BRD9: variants seen among roughly 807,000 people sequenced by gnomAD.
BRD9 encodes the protein bromodomain containing 9.
Under a neutral mutation model 68.7 loss-of-function variants are expected in BRD9, and 47 were observed. The observed-to-expected ratio is 0.68, with a 90% CI of 0.54 to 0.87. BRD9 has a LOEUF of 0.87. BRD9 is among the 40% of genes least tolerant of loss of function. The probability of loss-of-function intolerance (pLI) is 0.00; values close to 1 mark genes in which losing one functional copy is unlikely to be tolerated. For synonymous variants in BRD9, 313 were observed against 293.9 expected (o/e 1.06, Z -0.67); for missense variants, 670 against 748.4 (o/e 0.90, Z 1.22).
chr5:865,480 C>T lies in BRD9; in HGVS notation c.1627G>A (p.Gly543Ser), dbSNP rs1400151697. The T allele has an allele frequency of 2.1e-5, 34 of 1,600,708 alleles. No homozygotes were observed. Among genetic ancestry groups the T allele is most frequent in the Non-Finnish European group, 2.9e-5 (34 of 1,172,646 alleles). The change falls in exon 15 of 16, where the codon GGC becomes AGC. Residue 543 changes from glycine to serine, a missense_variant. Coordinates refer to ENST00000467963, the MANE Select transcript of BRD9 (RefSeq NM_023924.5). ...CTGAGGTTGGACGACGGCCGAGAGC[C>T]GCCGCGCTCCGCCTGTGCTTCGTGC... ...DLHEAQAERG[G>S]SRPSSNLSSL...
chr5:875,930 T>G (rs1750841312), intron 12 of BRD9, among the ~76,000 whole-genome samples, 171 bp downstream of exon 12: 1 of 152,208 alleles, frequency 6.6e-6, no homozygotes, highest in Non-Finnish European at 1.5e-5. Flanking sequence ...AGTCACGGTC[T>G]CCGGGGGACA....
At chr5:880,859 C>T (rs1421767764) in intron 9 of BRD9, among the ~76,000 whole-genome samples, 1 of 152,258 alleles carries the variant, frequency 6.6e-6, no homozygotes, top group Non-Finnish European at 1.5e-5. Context: ...TTTTCAGGAA[C>T]ATGGCTCGAG....
intron 8 of BRD9, chr5:881,856 T>C (rs1579972521): frequency 6.6e-6 from 1 of 152,654 alleles, no homozygotes; most frequent in African/African-American, 2.4e-5. Context: ...AGGCGGAAGG[T>C]CAGCTCAATG....
At chr5:887,194 G>A (rs1007363245) in intron 6 of BRD9, among the ~76,000 whole-genome samples, 167 bp downstream of exon 6, 5 of 152,362 alleles carry the variant, frequency 3.3e-5, no homozygotes, top group South Asian at 2.1e-4. Flanking sequence ...GCTAGGTCAT[G>A]AGCAGAGAGG....
chr5:889,942 C>T, intron 3 of BRD9: 1 of 396,964 alleles, frequency 2.5e-6, no homozygotes, highest in Admixed American at 3.4e-5. Context: ...CTACTCTAGA[C>T]AAGAAATGGA....
chr5:888,734 C>G (rs912841013), intron 5 of BRD9, among the ~76,000 whole-genome samples: 3 of 152,182 alleles, frequency 2.0e-5, no homozygotes, highest in Non-Finnish European at 4.4e-5. Flanking sequence ...CACCGGACAC[C>G]TCACTGCTTG....
At chr5:886,983 T>G in intron 6 of BRD9, 1 of 536,184 alleles carries the variant, frequency 1.9e-6, no homozygotes, top group Non-Finnish European at 3.3e-6. Context: ...GTGGGATGCA[T>G]GCAGCCTGGC....
Position 887,461 on chromosome 5 carries a change from T to C in BRD9, c.617A>G (p.Lys206Arg), listed in dbSNP as rs1752733760. Reference protein sequence around the residue: ...KSVTEFKADFKLMCDNAMTYN... With the variant: ...KSVTEFKADFRLMCDNAMTYN... ...TGTCATTGCATTATCACACATCAGC[T>C]TGAAATCTGCCTGAAAAGAAAACAG... The change falls in exon 6 of 16, where the codon AAG becomes AGG. Residue 206 changes from lysine (K) to arginine (R), a missense_variant. Lys to Arg is a conservative substitution (Grantham distance 26, BLOSUM62 2). This residue lies in a region of BRD9 where 94 missense variants were observed against 157.2 expected (regional missense o/e 0.60). Transcript: ENST00000467963. The C allele has an allele frequency of 6.2e-7, 1 of 1,613,324 alleles. No individual in the cohort carries two copies. Among genetic ancestry groups the C allele is most frequent in the South Asian group, 1.1e-5 (1 of 90,986 alleles).
chr5:886,836 G>T, intron 6 of BRD9, 129 bp from the exon 7 acceptor site: 1 of 1,499,856 alleles, frequency 6.7e-7, no homozygotes, highest in South Asian at 1.2e-5. Flanking sequence ...GTGACGATGG[G>T]ATGGGATGGG....
intron 11 of BRD9, among the ~76,000 whole-genome samples, chr5:876,965 G>A (rs1307530755): frequency 6.6e-6 from 1 of 152,238 alleles, no homozygotes; most frequent in African/African-American, 2.4e-5. Flanking sequence ...TCTGTGCGCT[G>A]AGGCTGGCAT....
At chr5:883,493 C>T (rs1449847689) in intron 8 of BRD9, 12 of 450,728 alleles carry the variant, frequency 2.7e-5, no homozygotes, top group Non-Finnish European at 5.3e-5. Flanking sequence ...GGCCCCACCA[C>T]CACAAAGACC....
intron 12 of BRD9, among the ~76,000 whole-genome samples, chr5:875,191 C>T (rs968808293): frequency 1.3e-5 from 2 of 152,152 alleles, no homozygotes; most frequent in South Asian, 2.1e-4. Context: ...ACACGCTGCC[C>T]GAAGCATCTT....
At chr5:875,143 C>T (rs921912495) in intron 12 of BRD9, among the ~76,000 whole-genome samples, 7 of 152,186 alleles carry the variant, frequency 4.6e-5, no homozygotes, top group East Asian at 3.8e-4. Context: ...CCCGTCCTGC[C>T]GAGGGCCCGG....
At chr5:886,538 C>G in intron 7 of BRD9, 54 bp downstream of exon 7, 1 of 1,515,906 alleles carries the variant, frequency 6.6e-7, no homozygotes, top group Non-Finnish European at 9.0e-7. Flanking sequence ...CACCTGCTTT[C>G]CTGGCTATGG....
chr5:876,859 C>A (rs146091632), intron 11 of BRD9, among the ~76,000 whole-genome samples: 5 of 152,292 alleles, frequency 3.3e-5, no homozygotes, highest in South Asian at 2.1e-4. Flanking sequence ...CAGGGAGACT[C>A]CGTGTCTTTG....
rs747338127 is a variant in BRD9 at position 886,693 on chromosome 5, C to T, written c.732G>A (p.Leu244=). 8.1e-6 allele frequency: 13 copies of T among 1,614,144 alleles called. No individual in the cohort carries two copies. The South Asian group carries it at 1.4e-4, about 18-fold the overall frequency. The change falls in exon 7 of 16, where the codon TTG becomes TTA. Residue 244 remains leucine, a synonymous_variant. Coordinates refer to ENST00000467963, the MANE Select transcript of BRD9 (RefSeq NM_023924.5). ...FKMMSKQAAL[L]GNEDTAVEEP... ...CCTCAACAGCTGTATCTTCATTGCCCAAAAGAGCTGCCTGCTGAGAAAAAT... is the reference window on the plus strand; with the variant it reads ...CCTCAACAGCTGTATCTTCATTGCCTAAAAGAGCTGCCTGCTGAGAAAAAT...
intron 12 of BRD9, among the ~76,000 whole-genome samples, chr5:873,720 G>A (rs972322481): frequency 1.3e-5 from 2 of 152,212 alleles, no homozygotes; most frequent in African/African-American, 4.8e-5. Flanking sequence ...ATGGGTGTCT[G>A]GGTTTACTGC....
At chr5:883,301 T>A (rs1293764464) in intron 8 of BRD9, 2 of 456,348 alleles carry the variant, frequency 4.4e-6, no homozygotes, top group African/African-American at 4.0e-5. Context: ...CATGTTGAGA[T>A]AAAATGTTGG....
chr5:873,085 A>C (rs1014618005), intron 12 of BRD9, among the ~76,000 whole-genome samples: 1 of 152,198 alleles, frequency 6.6e-6, no homozygotes, highest in East Asian at 1.9e-4. Flanking sequence ...GAATCGCTAG[A>C]ATCAGGGAGG....
Sources: allele counts gnomAD v4.1 joint callset (sites outside exome capture counted in the v4.1 genomes callset), GRCh38; gene constraint gnomAD v4.1.1; regional missense constraint gnomAD v4.1.1; transcripts MANE v1.5; gene names NCBI Gene and HGNC (gene_info 2026-07-23, HGNC 2026-07-21).